Variants in DDX23 observed in about 807,000 individuals in gnomAD.
DDX23 encodes probable ATP-dependent RNA helicase DDX23.
Under a neutral mutation model 102.7 loss-of-function variants are expected in DDX23, and 33 were observed. The observed-to-expected ratio is 0.32, with a 90% confidence interval of 0.24 to 0.43. The LOEUF (loss-of-function observed/expected upper bound fraction) is 0.43, where lower values mean the gene tolerates loss of function less well. Among genes scored for constraint, DDX23 ranks in the 20% least tolerant of loss-of-function variants. The pLI is 1.00. For synonymous variants in DDX23, 352 were observed against 376.0 expected (o/e 0.94, Z 0.74); for missense variants, 549 against 1,086.6 (o/e 0.51, Z 6.96).
intron 3 of DDX23, among the ~76,000 whole-genome samples, chr12:48,841,699 G>A (rs1309870612): frequency 6.6e-6 from 1 of 152,256 alleles, no homozygotes; most frequent in African/African-American, 2.4e-5. Context: ...CTGACCGCGA[G>A]TGATCCGCCA....
intron 12 of DDX23, among the ~76,000 whole-genome samples, chr12:48,833,725 A>C (rs1938424139): frequency 6.6e-6 from 1 of 152,100 alleles, no homozygotes; most frequent in Non-Finnish European, 1.5e-5. Context: ...GAGGTCTCTG[A>C]GTAAGGTGCA....
chr12:48,839,233 G>A (rs1938508729), intron 5 of DDX23, among the ~76,000 whole-genome samples: 1 of 151,798 alleles, frequency 6.6e-6, no homozygotes, highest in African/African-American at 2.4e-5. Context: ...TATATGTGGA[G>A]ACAGGACATG....
chr12:48,837,429 G>C, intron 7 of DDX23, 36 bp from the exon 8 acceptor site: 3 of 1,612,730 alleles, frequency 1.9e-6, no homozygotes, highest in Non-Finnish European at 2.5e-6. Context: ...CATGAGCTTT[G>C]AGGCCCAATT....
At position 48,830,301 on chromosome 12, in the gene DDX23, C is replaced by T; in HGVS notation, c.*168G>A. 1.2e-6 allele frequency: 1 copy of T among 826,496 alleles called. No individual in the cohort carries two copies. The highest frequency in any genetic ancestry group is 2.0e-6 in the Non-Finnish European group (1 of 494,768). The allele number at this position is 826,496 out of a possible 1,614,324, so 51.2% of individuals were successfully genotyped here. On this transcript the variant is annotated 3_prime_UTR_variant, in exon 17 of 17. Coordinates refer to ENST00000308025, the MANE Select transcript of DDX23 (RefSeq NM_004818.3). The surrounding 1 kb of genome is among the most constrained non-coding windows in gnomAD (Gnocchi z 4.9). ...ACAGCGTCGTCCTCTCCTTTTGCAGCCCCACACGCAGGCCTCCTGACCTGA... is the reference window on the plus strand; with the variant it reads ...ACAGCGTCGTCCTCTCCTTTTGCAGTCCCACACGCAGGCCTCCTGACCTGA...
At chr12:48,843,391 G>C (rs114649906) in intron 3 of DDX23, among the ~76,000 whole-genome samples, 2,084 of 151,642 alleles carry the variant, frequency 0.014, 45 homozygotes, top group African/African-American at 0.048. Flanking sequence ...CTAAGCCTGG[G>C]GGAGTCAAGG....
chr12:48,833,247 A>G, intron 13 of DDX23, 30 bp downstream of exon 13: 2 of 1,612,954 alleles, frequency 1.2e-6, no homozygotes, highest in South Asian at 1.1e-5. Flanking sequence ...GGCCTGTCCA[A>G]CTTTTCCCAG....
At position 48,833,293 on chromosome 12, in the gene DDX23, T is replaced by C; in HGVS notation, c.1787A>G (p.Lys596Arg). 1.9e-6 allele frequency: 3 copies of C among 1,614,204 alleles called. No individual in the cohort carries two copies. The highest frequency in any genetic ancestry group is 2.5e-6 in the Non-Finnish European group (3 of 1,180,038). The change falls in exon 13 of 17, where the codon AAA becomes AGA. Residue 596 changes from lysine to arginine, a missense_variant. Physicochemically the swap from Lys to Arg is conservative, Grantham distance 26 (BLOSUM62 2). This residue lies in a region of DDX23 where 270 missense variants were observed against 707.0 expected (regional missense o/e 0.38). Transcript: ENST00000308025. ...EKMLANFESG[K>R]HKYRQTVMFT... ...CAGCCTTACTTGGCGGTACTTATGT[T>C]TTCCCGACTCAAAGTTGGCCAGCAT...
At chr12:48,837,768 T>A in intron 6 of DDX23, 111 bp from the exon 7 acceptor site, 1 of 1,544,708 alleles carries the variant, frequency 6.5e-7, no homozygotes, top group East Asian at 2.2e-5. Context: ...GGGGTAGACT[T>A]ATGATATGGG....
chr12:48,831,706 T>A (rs1358775059), intron 15 of DDX23: 12 of 424,104 alleles, frequency 2.8e-5, no homozygotes, highest in Non-Finnish European at 4.7e-5. Context: ...GTGACAGGAG[T>A]AAAGGACACT....
At chr12:48,831,390 C>A in intron 15 of DDX23, 74 bp from the exon 16 acceptor site, 14 of 1,456,360 alleles carry the variant, frequency 9.6e-6, no homozygotes, top group Non-Finnish European at 1.3e-5. Flanking sequence ...AGGAATGGGA[C>A]ACAGATGAAG....
intron 6 of DDX23, 81 bp from the exon 7 acceptor site, chr12:48,837,738 A>G (rs1938484852): frequency 8.9e-6 from 14 of 1,574,132 alleles, no homozygotes; most frequent in Non-Finnish European, 1.2e-5. Context: ...CAGACGAGGA[A>G]CCCCAAATGA....
At chr12:48,844,799 C>T (rs1429818118) in intron 2 of DDX23, among the ~76,000 whole-genome samples, 1 of 151,414 alleles carries the variant, frequency 6.6e-6, no homozygotes, top group Non-Finnish European at 1.5e-5. Flanking sequence ...AGTTGGGTCA[C>T]TGAGGAAAAC....
chr12:48,843,852 A>T lies in DDX23; in HGVS notation c.320+88T>A. 11 of 1,456,970 alleles carry T rather than the reference A, an allele frequency of 7.5e-6. No individual in the cohort carries two copies. The South Asian group carries it at 1.3e-4, about 17-fold the overall frequency. The allele number at this position is 1,456,970 out of a possible 1,614,324, so 90.3% of individuals were successfully genotyped here. ...CGTGAGCCACCACGCCTGGCGAGAA[A>T]TCTACTTTCATAAGAAGCTGAGCAA... On this transcript the variant is annotated intron_variant, in intron 3 of 16. Coordinates refer to ENST00000308025, the MANE Select transcript of DDX23 (RefSeq NM_004818.3).
chr12:48,833,659 G>A (rs1938423234), intron 12 of DDX23, 140 bp from the exon 13 acceptor site: 2 of 1,062,664 alleles, frequency 1.9e-6, no homozygotes, highest in Non-Finnish European at 2.7e-6. Flanking sequence ...TAGCAGTAAA[G>A]GCTCCTGCAA....
At chr12:48,844,973 A>T (rs1469669743) in intron 2 of DDX23, among the ~76,000 whole-genome samples, 1 of 151,218 alleles carries the variant, frequency 6.6e-6, no homozygotes, top group East Asian at 2.0e-4. Context: ...ACCAACGTGG[A>T]GAAACCCCGT....
At position 48,837,600 on chromosome 12, in the gene DDX23, T is replaced by C. The variant is rs566448917; in HGVS notation, c.677A>G (p.Asn226Ser). Reference protein sequence around the residue: ...ERRERMERETNGNEDEEGRQK... With the variant: ...ERRERMERETSGNEDEEGRQK... ...CCGCCCTTCCTCATCCTCATTTCCA[T>C]TGGTCTCCCGTTCCATCCTCTCCCT... The change falls in exon 7 of 17, where the codon AAT becomes AGT. Residue 226 changes from asparagine (N) to serine (S), a missense_variant. By Grantham distance (46) the Asn-to-Ser change is conservative. This residue lies in a region of DDX23 where 270 missense variants were observed against 707.0 expected (regional missense o/e 0.38). Transcript: ENST00000308025. 17 of 1,614,204 alleles carry C rather than the reference T, an allele frequency of 1.1e-5. No individual in the cohort carries two copies. In the East Asian group the frequency reaches 1.1e-4, roughly 11 times the overall value.
intron 16 of DDX23, 82 bp downstream of exon 16, chr12:48,831,060 T>C (rs1244584785): frequency 7.2e-6 from 11 of 1,524,920 alleles, no homozygotes; most frequent in South Asian, 1.2e-5. Flanking sequence ...CAGCCTTCCA[T>C]GGACAGCACC....
chr12:48,837,339 G>T lies in DDX23; in HGVS notation c.808C>A (p.Arg270=), dbSNP rs766805135. 1 of 1,614,134 alleles carries T rather than the reference G, an allele frequency of 6.2e-7. No homozygotes were observed. Among genetic ancestry groups the T allele is most frequent in the Admixed American group, 1.7e-5 (1 of 60,020 alleles). The change falls in exon 8 of 17, where the codon CGG becomes AGG. Residue 270 remains arginine, a synonymous_variant. Transcript: ENST00000308025. The stretch of plus-strand genomic sequence containing the variant: ...GCATCCCACTCAAAAACAAATTTCC[G>T]GTCATTGAGATGTCTCGTTCGGCGC... The part of the protein sequence containing the change: ...KRRRTRHLND[R]KFVFEWDASE...
At chr12:48,835,977 G>A in intron 11 of DDX23, 144 bp downstream of exon 11, 1 of 959,038 alleles carries the variant, frequency 1.0e-6, no homozygotes, top group Non-Finnish European at 1.6e-6. Context: ...TCGATATCAT[G>A]ATCCAATTAT....
Sources: allele counts gnomAD v4.1 joint callset (sites outside exome capture counted in the v4.1 genomes callset), GRCh38; gene constraint gnomAD v4.1.1; regional missense constraint gnomAD v4.1.1; non-coding constraint Gnocchi (gnomAD v3.1); transcripts MANE v1.5; gene names NCBI Gene and HGNC (gene_info 2026-07-23, HGNC 2026-07-21).